The following ATG7 variants were observed in gnomAD, a reference collection of about 807,000 sequenced individuals.
ATG7 encodes the protein autophagy related 7, also known as ubiquitin-like modifier-activating enzyme ATG7.
In ATG7, 70 loss-of-function variants were observed where a neutral mutation model predicts 82.4. The observed-to-expected ratio is 0.85, with a 90% CI of 0.70 to 1.04. The LOEUF (loss-of-function observed/expected upper bound fraction) is 1.04, where lower values mean the gene tolerates loss of function less well. ATG7 is among the 50% of genes least tolerant of loss of function. The probability of loss-of-function intolerance (pLI) is 0.00; values close to 1 mark genes in which losing one functional copy is unlikely to be tolerated. For synonymous variants in ATG7, 287 were observed against 313.0 expected, an observed-to-expected ratio of 0.92 and a Z score of 0.88; for missense variants, 792 against 864.3, an observed-to-expected ratio of 0.92 and a Z score of 1.05.
intron 9 of ATG7, among the ~76,000 whole-genome samples, chr3:11,321,526 A>C (rs1484182998): frequency 2.0e-5 from 3 of 152,220 alleles, no homozygotes; most frequent in African/African-American, 7.2e-5. Context: ...ATGAATGGAA[A>C]AGAGACTAGG....
At chr3:11,294,946 C>T (rs1945623963) in intron 3 of ATG7, among the ~76,000 whole-genome samples, 1 of 152,162 alleles carries the variant, frequency 6.6e-6, no homozygotes, top group African/African-American at 2.4e-5. Flanking sequence ...AACCACATCT[C>T]TCCTAAAAAA....
chr3:11,537,204 T>G (rs1404834817), intron 20 of ATG7, among the ~76,000 whole-genome samples: 1 of 152,170 alleles, frequency 6.6e-6, no homozygotes, highest in Non-Finnish European at 1.5e-5. Context: ...CCTTCCTTCC[T>G]TCCCATCTTT....
At chr3:11,558,757 G>C (rs200909181), downstream of ATG7, 18 of 1,614,114 alleles carry the variant, frequency 1.1e-5, no homozygotes, top group Non-Finnish European at 1.4e-5. Flanking sequence ...GTGCCGGCTC[G>C]GGCTCCTTGT....
intron 20 of ATG7, among the ~76,000 whole-genome samples, chr3:11,469,910 A>G (rs2087260613): frequency 7.0e-6 from 1 of 142,554 alleles, no homozygotes; most frequent in Non-Finnish European, 1.5e-5. Flanking sequence ...GAATCTCTTG[A>G]ACCTGGGAGG....
At chr3:11,333,141 A>G (rs377142549) in intron 11 of ATG7, 48 bp downstream of exon 11, 16 of 1,495,428 alleles carry the variant, frequency 1.1e-5, no homozygotes, top group Non-Finnish European at 1.3e-5. Context: ...TTTATCAGAA[A>G]CGGAACCAGG....
chr3:11,485,275 A>G (rs1417200601), intron 20 of ATG7, among the ~76,000 whole-genome samples: 1 of 152,078 alleles, frequency 6.6e-6, no homozygotes, highest in Non-Finnish European at 1.5e-5. Flanking sequence ...TTTGATTTGC[A>G]TTTCTCTGAT....
chr3:11,427,293 A>G (rs1288186857), intron 20 of ATG7, among the ~76,000 whole-genome samples: 1 of 152,136 alleles, frequency 6.6e-6, no homozygotes, highest in African/African-American at 2.4e-5. Flanking sequence ...GACTCCAGCT[A>G]TGTTCTTTAG....
chr3:11,439,156 T>C (rs1324077710), intron 20 of ATG7, among the ~76,000 whole-genome samples: 39 of 149,150 alleles, frequency 2.6e-4, no homozygotes, highest in African/African-American at 7.4e-5. Context: ...GCAACCTCCG[T>C]CTCCCAGGTT....
intron 20 of ATG7, among the ~76,000 whole-genome samples, chr3:11,445,054 A>G (rs2084390196): frequency 6.6e-6 from 1 of 152,162 alleles, no homozygotes; most frequent in South Asian, 2.1e-4. Context: ...GTCAAACAAT[A>G]GATGCTGGCG....
chr3:11,502,481 T>G (rs542993666), intron 20 of ATG7, among the ~76,000 whole-genome samples: 14 of 148,892 alleles, frequency 9.4e-5, no homozygotes, highest in Non-Finnish European at 2.1e-4. Flanking sequence ...GGTGTTTGGT[T>G]TTTTGTTCTT....
intron 5 of ATG7, among the ~76,000 whole-genome samples, chr3:11,305,165 A>G (rs1044293689): frequency 6.6e-6 from 1 of 152,228 alleles, no homozygotes; most frequent in African/African-American, 2.4e-5. Context: ...TCCAAGTCTC[A>G]GGCTCCTTCC....
chr3:11,381,327 T>C (rs2077883297), intron 19 of ATG7, among the ~76,000 whole-genome samples: 1 of 152,170 alleles, frequency 6.6e-6, no homozygotes, highest in Non-Finnish European at 1.5e-5. Context: ...ATGGTTGAGC[T>C]AACTGGTCTC....
chr3:11,440,740 A>G (rs1322760583), intron 20 of ATG7, among the ~76,000 whole-genome samples: 4 of 110,398 alleles, frequency 3.6e-5, no homozygotes, highest in Admixed American at 1.3e-4. Flanking sequence ...CTGGAGTGCA[A>G]TGGTGCAATC....
At chr3:11,279,947 T>C (rs1299529202) in intron 1 of ATG7, among the ~76,000 whole-genome samples, 3 of 152,122 alleles carry the variant, frequency 2.0e-5, no homozygotes, top group African/African-American at 7.2e-5. Flanking sequence ...AGTTTTTTTT[T>C]TTTTTGCCAT....
At chr3:11,396,430 C>A (rs2079280427) in intron 19 of ATG7, among the ~76,000 whole-genome samples, 2 of 151,834 alleles carry the variant, frequency 1.3e-5, no homozygotes, top group Non-Finnish European at 2.9e-5. Context: ...CAGAGCGAGA[C>A]TGTCCCAAAA....
At chr3:11,392,757 T>C (rs1470679024) in intron 19 of ATG7, among the ~76,000 whole-genome samples, 4 of 152,214 alleles carry the variant, frequency 2.6e-5, no homozygotes, top group African/African-American at 9.7e-5. Flanking sequence ...GCACCACAAT[T>C]GTTGCAAACT....
chr3:11,573,269 AAG>A, the ATG7 span, among the ~76,000 whole-genome samples: 1 of 9,644 alleles, frequency 1.0e-4, no homozygotes, highest in Admixed American at 1.7e-3. Flanking sequence ...GAAAGAAAGA[AAG>A]AAAGAAAGAA....
intron 3 of ATG7, among the ~76,000 whole-genome samples, chr3:11,287,222 C>T (rs1944234574): frequency 6.6e-6 from 1 of 152,036 alleles, no homozygotes; most frequent in African/African-American, 2.4e-5. Flanking sequence ...AAAAACAATA[C>T]CAAATGTCTA....
intron 20 of ATG7, among the ~76,000 whole-genome samples, chr3:11,517,832 A>G (rs1251545984): frequency 6.6e-6 from 1 of 152,206 alleles, no homozygotes; most frequent in Non-Finnish European, 1.5e-5. Flanking sequence ...CGTGCCATGC[A>G]AGGCTTTGCC....
Sources: allele counts gnomAD v4.1 joint callset (sites outside exome capture counted in the v4.1 genomes callset), GRCh38; gene constraint gnomAD v4.1.1; transcripts MANE v1.5; gene names NCBI Gene and HGNC (gene_info 2026-07-23, HGNC 2026-07-21).